The following KCTD16 variants were observed in gnomAD, a reference collection of about 807,000 sequenced individuals.
The protein encoded by KCTD16 is potassium channel tetramerization domain containing 16, also known as BTB/POZ domain-containing protein KCTD16.
In KCTD16, 13 loss-of-function variants were observed where a neutral mutation model predicts 33.2. The ratio of observed to expected loss-of-function variants is 0.39; its 90% CI spans 0.25 to 0.62. KCTD16 has a LOEUF of 0.62. KCTD16 is among the 20% of genes least tolerant of loss of function. KCTD16 has a pLI of 0.50. For missense variants in KCTD16, 441 were observed against 525.1 expected, an observed-to-expected ratio of 0.84 and a Z score of 1.57; for synonymous variants, 197 against 195.3, an observed-to-expected ratio of 1.01 and a Z score of -0.07.
At chr5:144,374,724 T>C (rs1241056251) in intron 3 of KCTD16, among the ~76,000 whole-genome samples, 3 of 152,188 alleles carry the variant, frequency 2.0e-5, no homozygotes, top group African/African-American at 7.2e-5. Context: ...GCCTTTTGCA[T>C]ACTCCTAAGA....
At chr5:144,292,270 G>T (rs2126863039) in intron 3 of KCTD16, among the ~76,000 whole-genome samples, 1 of 152,298 alleles carries the variant, frequency 6.6e-6, no homozygotes, top group East Asian at 1.9e-4. Flanking sequence ...GAATGTCCTT[G>T]CTGTGAAAAT....
chr5:144,280,236 G>C (rs144768073), intron 3 of KCTD16, among the ~76,000 whole-genome samples: 3 of 152,152 alleles, frequency 2.0e-5, no homozygotes, highest in Non-Finnish European at 4.4e-5. Flanking sequence ...AGATTGTAAG[G>C]AATTTAAATT....
chr5:144,364,511 G>A (rs978657014), intron 3 of KCTD16, among the ~76,000 whole-genome samples: 5 of 152,074 alleles, frequency 3.3e-5, no homozygotes, highest in Admixed American at 6.6e-5. Context: ...GCATTTTATC[G>A]TACTAGATTC....
chr5:144,216,677 C>T (rs1561532500), intron 3 of KCTD16, among the ~76,000 whole-genome samples: 2 of 151,862 alleles, frequency 1.3e-5, no homozygotes. Flanking sequence ...AATTCCATCT[C>T]TACTAAAATT....
chr5:144,268,544 A>AT (rs1160242243), intron 3 of KCTD16, among the ~76,000 whole-genome samples: 23 of 152,186 alleles, frequency 1.5e-4, no homozygotes, highest in Non-Finnish European at 3.4e-4. Context: ...TTAGATTTCC[A>AT]TTTTTTGGTA....
chr5:144,234,245 T>C (rs1014480592), intron 3 of KCTD16, among the ~76,000 whole-genome samples: 1 of 152,246 alleles, frequency 6.6e-6, no homozygotes, highest in East Asian at 1.9e-4. Context: ...ACCTCCCTAT[T>C]TGGAAGAGAC....
chr5:144,450,489 C>G (rs910515525), intron 3 of KCTD16, among the ~76,000 whole-genome samples: 1 of 152,012 alleles, frequency 6.6e-6, no homozygotes, highest in African/African-American at 2.4e-5. Flanking sequence ...AAAGAGATAT[C>G]TGCACTCTCA....
intron 3 of KCTD16, among the ~76,000 whole-genome samples, chr5:144,344,384 C>A (rs1752727388): frequency 7.3e-6 from 1 of 136,172 alleles, no homozygotes; most frequent in Non-Finnish European, 1.6e-5. Flanking sequence ...AGCTTCTGCA[C>A]AGCAAAAGAA....
At chr5:144,319,892 A>G (rs1034949047) in intron 3 of KCTD16, among the ~76,000 whole-genome samples, 5 of 152,248 alleles carry the variant, frequency 3.3e-5, no homozygotes. Context: ...TTATGTTGAT[A>G]ATTGTATATA....
intron 3 of KCTD16, among the ~76,000 whole-genome samples, chr5:144,266,365 C>CCTCTTT (rs1409925933): frequency 1.3e-5 from 2 of 152,096 alleles, no homozygotes; most frequent in African/African-American, 2.4e-5. Context: ...GGTGAATGGA[C>CCTCTTT]AGCTGTAGCC....
intron 3 of KCTD16, among the ~76,000 whole-genome samples, chr5:144,236,421 A>G (rs1754255188): frequency 6.6e-6 from 1 of 152,160 alleles, no homozygotes. Context: ...GGATGATTCC[A>G]TAGAAATTTA....
rs1754672259 is a variant in KCTD16, at chr5:144,479,933, C to A, written c.*5819C>A. ...GCTTTGTAAAACACTTATATGCCAA[C>A]CAGAGGGTTTATTAAGTCTCTTGTC... On this transcript the variant is annotated 3_prime_UTR_variant, in exon 4 of 4. Coordinates refer to ENST00000512467, the MANE Select transcript of KCTD16 (RefSeq NM_020768.4). The A allele has an allele frequency of 6.6e-6, 1 of 151,886 alleles. No homozygotes were observed. Among genetic ancestry groups the A allele is most frequent in the Admixed American group, 6.6e-5 (1 of 15,208 alleles). The allele number at this position is 151,886 out of a possible 1,614,324, so 9.4% of individuals were successfully genotyped here.
At chr5:144,425,200 A>G (rs755355592) in intron 3 of KCTD16, among the ~76,000 whole-genome samples, 8 of 152,180 alleles carry the variant, frequency 5.3e-5, no homozygotes, top group Non-Finnish European at 1.2e-4. Context: ...GCAAGAAGAA[A>G]GAGGTAACTG....
At chr5:144,177,514 T>C (rs1752532825) in intron 2 of KCTD16, among the ~76,000 whole-genome samples, 1 of 152,176 alleles carries the variant, frequency 6.6e-6, no homozygotes, top group Admixed American at 6.5e-5. Flanking sequence ...GTGAATCTGC[T>C]CCGTACCTCT....
intron 3 of KCTD16, among the ~76,000 whole-genome samples, chr5:144,403,494 A>G (rs1752748494): frequency 6.6e-6 from 1 of 152,042 alleles, no homozygotes; most frequent in South Asian, 2.1e-4. Flanking sequence ...CAAGCCAAGG[A>G]AAGCCAGGGA....
chr5:144,302,887 T>C (rs541828853), intron 3 of KCTD16, among the ~76,000 whole-genome samples: 5 of 152,344 alleles, frequency 3.3e-5, no homozygotes, highest in South Asian at 2.1e-4. Flanking sequence ...TCTGTCTCTT[T>C]AAACTTGGAT....
At chr5:144,218,898 G>A (rs553977443) in intron 3 of KCTD16, among the ~76,000 whole-genome samples, 10 of 152,192 alleles carry the variant, frequency 6.6e-5, no homozygotes, top group Non-Finnish European at 1.2e-4. Context: ...AAATAAATGA[G>A]ATTTTCCCGC....
chr5:144,460,171 G>T (rs1208091734), intron 3 of KCTD16, among the ~76,000 whole-genome samples: 1 of 152,060 alleles, frequency 6.6e-6, no homozygotes, highest in Non-Finnish European at 1.5e-5. Context: ...GATCATTCAA[G>T]CCATGCAAGT....
At chr5:144,421,756 T>C (rs573208008) in intron 3 of KCTD16, among the ~76,000 whole-genome samples, 11 of 152,164 alleles carry the variant, frequency 7.2e-5, no homozygotes, top group African/African-American at 2.4e-4. Flanking sequence ...GGAACAATGA[T>C]AAAGATGAGG....
Sources: allele counts gnomAD v4.1 joint callset (sites outside exome capture counted in the v4.1 genomes callset), GRCh38; gene constraint gnomAD v4.1.1; transcripts MANE v1.5; gene names NCBI Gene and HGNC (gene_info 2026-07-23, HGNC 2026-07-21).